The following PMS1 variants were observed in gnomAD, a reference collection of about 807,000 sequenced individuals.
PMS1 encodes the protein PMS1 homolog 1, mismatch repair system component, also known as PMS1 protein homolog 1.
A neutral mutation model predicts 93.1 loss-of-function variants in PMS1; 79 were observed. The observed-to-expected ratio is 0.85, with a 90% confidence interval of 0.71 to 1.02. PMS1 has a LOEUF of 1.02. Ranked by LOEUF, PMS1 falls within the 50% of genes least tolerant of loss-of-function variation. The pLI is 0.00. For synonymous variants in PMS1, 335 were observed against 363.4 expected (o/e 0.92, Z 0.89); for missense variants, 1,064 against 1,085.3 (o/e 0.98, Z 0.28).
chr2:189,860,237 G>A (rs2055811494), intron 9 of PMS1, among the ~76,000 whole-genome samples: 1 of 152,136 alleles, frequency 6.6e-6, no homozygotes. Context: ...CTCTCAGCCA[G>A]TCTCCACAGG....
intron 5 of PMS1, among the ~76,000 whole-genome samples, chr2:189,826,859 AG>A (rs2052476549): frequency 6.6e-6 from 1 of 152,188 alleles, no homozygotes; most frequent in Non-Finnish European, 1.5e-5. Flanking sequence ...GTAGTGTTAA[AG>A]CCAAAATAGT....
chr2:189,864,296 G>A (rs1263094832), intron 10 of PMS1, 68 bp downstream of exon 10: 6 of 1,060,318 alleles, frequency 5.7e-6, no homozygotes, highest in South Asian at 3.9e-5. Flanking sequence ...GATTAAAATC[G>A]AAGGTAGAAG....
At chr2:189,852,388 G>A (rs2054834257) in intron 6 of PMS1, among the ~76,000 whole-genome samples, 2 of 152,180 alleles carry the variant, frequency 1.3e-5, no homozygotes. Context: ...TTAAATATCT[G>A]AAAGTATAAC....
chr2:189,797,725 G>C (rs1283793218), intron 3 of PMS1, among the ~76,000 whole-genome samples: 1 of 152,252 alleles, frequency 6.6e-6, no homozygotes, highest in East Asian at 1.9e-4. Flanking sequence ...TACTGTTGCT[G>C]TCTCCCCTTC....
At chr2:189,855,593 G>A (rs1209929589) in intron 9 of PMS1, among the ~76,000 whole-genome samples, 1 of 151,658 alleles carries the variant, frequency 6.6e-6, no homozygotes, top group Non-Finnish European at 1.5e-5. Flanking sequence ...AAAAAAATTT[G>A]TATTATTGGC....
intron 4 of PMS1, among the ~76,000 whole-genome samples, chr2:189,811,325 C>T (rs557712741): frequency 4.7e-5 from 7 of 149,372 alleles, no homozygotes; most frequent in South Asian, 2.1e-4. Context: ...CGGTGGCTCA[C>T]ACCTGTAATC....
intron 4 of PMS1, among the ~76,000 whole-genome samples, chr2:189,815,053 C>T (rs2051172010): frequency 6.7e-6 from 1 of 149,100 alleles, no homozygotes; most frequent in African/African-American, 2.5e-5. Context: ...GAGCCGAGAT[C>T]ATGCCACTGC....
chr2:189,859,590 G>A (rs188979460), intron 9 of PMS1, among the ~76,000 whole-genome samples: 2 of 152,206 alleles, frequency 1.3e-5, no homozygotes, highest in South Asian at 2.1e-4. Context: ...TGACATAACC[G>A]CTGTGCTAGG....
chr2:189,825,894 G>T (rs1003498873), intron 5 of PMS1, among the ~76,000 whole-genome samples: 1 of 152,156 alleles, frequency 6.6e-6, no homozygotes, highest in Admixed American at 6.5e-5. Flanking sequence ...CTGTAAGAAT[G>T]ATGTCAGCTC....
rs374222815 is a variant in PMS1, at chr2:189,877,281, G to A, written c.2644G>A (p.Val882Met). ...CTTTCCCTTTGGACAGGGAGAAGCAGTGCGTCTATCCAGACAATTACCCAT... is the reference window on the plus strand; with the variant it reads ...CTTTCCCTTTGGACAGGGAGAAGCAATGCGTCTATCCAGACAATTACCCAT... ...KVISYLEGEA[V>M]RLSRQLPMYL... Residue 882 changes from valine to methionine, a missense_variant, in exon 13 of 13, where the codon GTG becomes ATG. Val to Met is a conservative substitution (Grantham distance 21). Transcript: ENST00000441310. 10 of 1,613,464 alleles carry A rather than the reference G, an allele frequency of 6.2e-6. No individual in the cohort carries two copies. The highest frequency in any genetic ancestry group is 8.5e-6 in the Non-Finnish European group (10 of 1,179,558).
At chr2:189,861,659 A>T (rs529120585) in intron 9 of PMS1, among the ~76,000 whole-genome samples, 243 of 151,854 alleles carry the variant, frequency 1.6e-3, no homozygotes, top group African/African-American at 5.8e-3. Flanking sequence ...TGAGGCAGGA[A>T]AATCGCTTAG....
chr2:189,789,068 A>G (rs1250882842), intron 1 of PMS1, among the ~76,000 whole-genome samples: 2 of 152,240 alleles, frequency 1.3e-5, no homozygotes. Flanking sequence ...AGTTGTTCAC[A>G]GCTGCTCTCC....
At chr2:189,826,721 G>C (rs1156353342) in intron 5 of PMS1, among the ~76,000 whole-genome samples, 1 of 152,074 alleles carries the variant, frequency 6.6e-6, no homozygotes, top group Non-Finnish European at 1.5e-5. Flanking sequence ...TTTTGCTTCA[G>C]TGGCAGTGAT....
rs139552807 is a variant in PMS1 at position 189,855,063 on chromosome 2, T to G, written c.1791T>G (p.Ser597Arg). ...PQFLIENPKT[S>R]LEDATLQIEE... ...TTCTCATAGAAAATCCTAAGACTAG[T>G]TTAGAGGATGCAACACTACAAATTG... The change falls in exon 9 of 13, where the codon AGT (serine) becomes AGG (arginine). Residue 597 changes from serine to arginine, a missense_variant. By Grantham distance (110) the Ser-to-Arg change is moderately radical. Transcript: ENST00000441310. 26 of 1,613,088 alleles carry G rather than the reference T, an allele frequency of 1.6e-5. No homozygotes were observed. Among genetic ancestry groups the G allele is most frequent in the South Asian group, 3.3e-5 (3 of 91,040 alleles).
intron 9 of PMS1, chr2:189,855,828 G>T: frequency 1.0e-6 from 1 of 953,064 alleles, no homozygotes; most frequent in Non-Finnish European, 1.4e-6. Flanking sequence ...AATTGACTTA[G>T]GACACTTAAT....
intron 1 of PMS1, among the ~76,000 whole-genome samples, chr2:189,786,557 C>T (rs550824434): frequency 2.5e-4 from 38 of 152,240 alleles, no homozygotes; most frequent in African/African-American, 8.7e-4. Context: ...AGAGCATGGC[C>T]TTTGGAGTCA....
chr2:189,820,673 C>T (rs1575138345), intron 5 of PMS1, among the ~76,000 whole-genome samples: 3 of 152,230 alleles, frequency 2.0e-5, no homozygotes, highest in African/African-American at 7.2e-5. Flanking sequence ...TGTTTCAGAA[C>T]AGTTACAATA....
chr2:189,795,520 A>G (rs897812046), intron 2 of PMS1, among the ~76,000 whole-genome samples: 3 of 152,184 alleles, frequency 2.0e-5, no homozygotes, highest in Non-Finnish European at 4.4e-5. Flanking sequence ...AAACAGTGAA[A>G]AGCAACCTTA....
At chr2:189,864,688 ATATAT>A (rs1350773497) in intron 10 of PMS1, among the ~76,000 whole-genome samples, 5 of 4,494 alleles carry the variant, frequency 1.1e-3, no homozygotes, top group Admixed American at 3.0e-3. Context: ...AAAAAAAAAA[ATATAT>A]ATATATATAT....
Sources: gnomAD v4.1 joint callset for allele counts (sites outside exome capture counted in the v4.1 genomes callset) on GRCh38, gnomAD v4.1.1 for gene constraint, MANE v1.5 for transcripts, NCBI Gene and HGNC (gene_info 2026-07-23, HGNC 2026-07-21) for gene names.